SASH1: variants seen among roughly 807,000 people sequenced by gnomAD.
SASH1 encodes SAM and SH3 domain-containing protein 1.
SASH1 carries 44 observed loss-of-function variants against 125.2 expected under a neutral mutation model. That is an observed-to-expected ratio of 0.35 (90% CI 0.28 to 0.45). The LOEUF is 0.45. Among genes scored for constraint, SASH1 ranks in the 20% least tolerant of loss-of-function variants. The pLI is 1.00. For synonymous variants in SASH1, 639 were observed against 649.1 expected, an observed-to-expected ratio of 0.98 and a Z score of 0.24; for missense variants, 1,426 against 1,614.5, an observed-to-expected ratio of 0.88 and a Z score of 2.00.
intron 1 of SASH1, among the ~76,000 whole-genome samples, chr6:148,285,036 C>T (rs1213655314): frequency 6.6e-6 from 1 of 152,222 alleles, no homozygotes; most frequent in East Asian, 1.9e-4. Flanking sequence ...TAACATCTTA[C>T]CTCCACAGCT....
intron 8 of SASH1, among the ~76,000 whole-genome samples, chr6:148,505,554 G>C (rs984888711): frequency 2.0e-5 from 3 of 152,022 alleles, no homozygotes; most frequent in African/African-American, 7.2e-5. Flanking sequence ...CAAGTGATCT[G>C]CCTGCCTTGG....
At chr6:148,537,439 A>C (rs963573208) in intron 16 of SASH1, among the ~76,000 whole-genome samples, 24 of 152,252 alleles carry the variant, frequency 1.6e-4, no homozygotes, top group Admixed American at 3.3e-4. Flanking sequence ...GGTAAAATAC[A>C]GATAATCTAA....
At chr6:148,423,010 C>T (rs1775639998) in intron 2 of SASH1, among the ~76,000 whole-genome samples, 1 of 152,216 alleles carries the variant, frequency 6.6e-6, no homozygotes, top group Admixed American at 6.5e-5. Flanking sequence ...GTGATCTCGG[C>T]TTACTGCAAC....
chr6:148,366,040 G>A (rs1318860632), intron 1 of SASH1, among the ~76,000 whole-genome samples: 1 of 152,128 alleles, frequency 6.6e-6, no homozygotes, highest in East Asian at 1.9e-4. Flanking sequence ...TTGAACCTGG[G>A]AGGTGGAGGT....
intron 1 of SASH1, among the ~76,000 whole-genome samples, chr6:148,313,241 A>G (rs1780383535): frequency 6.6e-6 from 1 of 152,198 alleles, no homozygotes; most frequent in Non-Finnish European, 1.5e-5. Flanking sequence ...AAGAGCTTTC[A>G]TAATCTCCTG....
chr6:148,407,417 C>A (rs1583102793), intron 2 of SASH1, among the ~76,000 whole-genome samples: 1 of 152,094 alleles, frequency 6.6e-6, no homozygotes, highest in Non-Finnish European at 1.5e-5. Flanking sequence ...AATTTTCTTC[C>A]CTTTTGAGGC....
intron 9 of SASH1, among the ~76,000 whole-genome samples, chr6:148,515,633 G>C (rs915482773): frequency 6.6e-6 from 1 of 152,130 alleles, no homozygotes; most frequent in Non-Finnish European, 1.5e-5. Context: ...ATCTTTTTGC[G>C]TGGTAATTCT....
At chr6:148,264,281 A>G in the SASH1 span, among the ~76,000 whole-genome samples, 1 of 152,142 alleles carries the variant, frequency 6.6e-6, no homozygotes, top group African/African-American at 2.4e-5. Context: ...CCAGCTGGGA[A>G]TGTAGAACAA....
Position 148,381,946 on chromosome 6 carries a change from C to G in SASH1, c.157-8188C>G, listed in dbSNP as rs529910253. 3.3e-5 allele frequency among the ~76,000 whole-genome samples: 5 copies of G among 152,192 alleles called. No homozygotes were observed. The East Asian group carries it at 9.7e-4, about 29-fold the overall frequency. On this transcript the variant is annotated intron_variant, in intron 1 of 19. Transcript: ENST00000367467. ...GCCACTGTGCCCAGCCTCTTCTGTG[C>G]TCTTCTAATATGCTATGTGATATCC...
In SASH1 at chr6:148,525,351, A is replaced by G. The variant is rs1781081205; in HGVS notation, c.1270A>G (p.Asn424Asp). 1 of 1,613,700 alleles carries G rather than the reference A, an allele frequency of 6.2e-7. No individual in the cohort carries two copies. The highest frequency in any genetic ancestry group is 8.5e-7 in the Non-Finnish European group (1 of 1,179,732). ...TCGCTCTCTGCACGTTGGCAGTAAT[A>G]ATTCTGACCCAATGGTGAGTAACAT... Reference protein sequence around the residue: ...TNRSLHVGSNNSDPMGKEGDF... With the variant: ...TNRSLHVGSNDSDPMGKEGDF... The change falls in exon 11 of 20, where the codon AAT becomes GAT. Residue 424 changes from asparagine to aspartate, a missense_variant. This residue lies in a region of SASH1 where 567 missense variants were observed against 575.6 expected (regional missense o/e 0.99). Transcript: ENST00000367467.
intron 10 of SASH1, 83 bp from the exon 11 acceptor site, chr6:148,525,208 G>A (rs1781069925): frequency 1.1e-6 from 1 of 925,342 alleles, no homozygotes. Flanking sequence ...GAGATGTCCT[G>A]CAAACGGGGA....
At chr6:148,344,022 T>A (rs1003766107) in intron 1 of SASH1, among the ~76,000 whole-genome samples, 2 of 152,228 alleles carry the variant, frequency 1.3e-5, no homozygotes, top group African/African-American at 2.4e-5. Context: ...TGGCCAGATG[T>A]GCAGATTATC....
chr6:148,198,901 G>A, the SASH1 span, among the ~76,000 whole-genome samples: 1 of 152,198 alleles, frequency 6.6e-6, no homozygotes, highest in Non-Finnish European at 1.5e-5. Flanking sequence ...GCTGTCCCCT[G>A]TAGACAGGGC....
chr6:148,425,869 T>C (rs1775799117), intron 2 of SASH1, among the ~76,000 whole-genome samples: 1 of 151,654 alleles, frequency 6.6e-6, no homozygotes, highest in Non-Finnish European at 1.5e-5. Context: ...AGCCACTGTG[T>C]CTGGCCTGAT....
intron 1 of SASH1, 92 bp from the exon 2 acceptor site, chr6:148,390,042 T>A: frequency 7.1e-7 from 1 of 1,414,406 alleles, no homozygotes. Flanking sequence ...CCAACCTTTA[T>A]TACTATTAAC....
At chr6:148,289,872 T>TG (rs1779582112) in intron 1 of SASH1, among the ~76,000 whole-genome samples, 1 of 143,094 alleles carries the variant, frequency 7.0e-6, no homozygotes, top group Admixed American at 7.0e-5. Flanking sequence ...TTTTTTTTTT[T>TG]TTTTTTTTTT....
At chr6:148,433,981 C>T (rs1052782631) in intron 2 of SASH1, among the ~76,000 whole-genome samples, 6 of 149,426 alleles carry the variant, frequency 4.0e-5, no homozygotes, top group Admixed American at 6.7e-5. Flanking sequence ...TAACCATTGG[C>T]GTGTAGAATT....
intron 1 of SASH1, among the ~76,000 whole-genome samples, chr6:148,276,136 A>G (rs1397948302): frequency 6.6e-6 from 1 of 152,208 alleles, no homozygotes; most frequent in Non-Finnish European, 1.5e-5. Context: ...GTGGTCTTGG[A>G]TAAGTTAATT....
At chr6:148,470,494 C>T (rs148062430) in intron 5 of SASH1, among the ~76,000 whole-genome samples, 1 of 152,286 alleles carries the variant, frequency 6.6e-6, no homozygotes, top group African/African-American at 2.4e-5. Context: ...TGGCAGACAC[C>T]GCTGCTGCTG....
Sources: gnomAD v4.1 joint callset for allele counts (sites outside exome capture counted in the v4.1 genomes callset) on GRCh38, gnomAD v4.1.1 for gene constraint, gnomAD v4.1.1 regional missense constraint, MANE v1.5 for transcripts, NCBI Gene and HGNC (gene_info 2026-07-23, HGNC 2026-07-21) for gene names.